The following TTLL5 variants were observed in gnomAD, a reference collection of about 807,000 sequenced individuals.
TTLL5 encodes tubulin tyrosine ligase like 5.
TTLL5 carries 132 observed loss-of-function variants against 168.4 expected under a neutral mutation model. The ratio of observed to expected loss-of-function variants is 0.78; its 90% CI spans 0.68 to 0.91. The LOEUF is 0.91. Among genes scored for constraint, TTLL5 ranks in the 40% least tolerant of loss-of-function variants. The pLI is 0.00. For missense variants in TTLL5, 1,545 were observed against 1,581.5 expected, an observed-to-expected ratio of 0.98 and a Z score of 0.39; for synonymous variants, 546 against 558.6, an observed-to-expected ratio of 0.98 and a Z score of 0.32.
rs199628594 is a variant in TTLL5 at position 75,766,412 on chromosome 14, A to T, written c.2015+44A>T. On this transcript the variant is annotated intron_variant, in intron 20 of 31. Transcript: ENST00000298832. Reference sequence around the variant, plus strand: ...TATATTAGTAAAACTGATAACAGCTAACTTGTACTGTGTACCAGCTACTAT... The same window carrying T: ...TATATTAGTAAAACTGATAACAGCTTACTTGTACTGTGTACCAGCTACTAT... 3.2e-5 allele frequency: 49 copies of T among 1,510,734 alleles called. No individual in the cohort carries two copies. The East Asian group carries it at 1.1e-3, about 34-fold the overall frequency. 93.6% of individuals were successfully genotyped at this position (1,510,734 alleles called of 1,614,324 possible). A position where few individuals can be genotyped will look rare whatever the true frequency, so the allele number is the denominator to read the frequency against.
intron 28 of TTLL5, among the ~76,000 whole-genome samples, chr14:75,821,780 G>A (rs564240005): frequency 6.6e-5 from 10 of 152,228 alleles, no homozygotes; most frequent in African/African-American, 2.2e-4. Context: ...ACGAGGCTGC[G>A]ATAATGCTCA....
intron 28 of TTLL5, among the ~76,000 whole-genome samples, chr14:75,824,729 T>G (rs1054695371): frequency 2.0e-4 from 25 of 125,040 alleles, no homozygotes; most frequent in Non-Finnish European, 3.5e-4. Context: ...AATTATGTGT[T>G]TTTTTTTTTT....
At chr14:75,742,859 T>G (rs1889356990) in intron 15 of TTLL5, among the ~76,000 whole-genome samples, 1 of 152,260 alleles carries the variant, frequency 6.6e-6, no homozygotes, top group South Asian at 2.1e-4. Flanking sequence ...TTCACACTTT[T>G]TAAAGATTTA....
At chr14:75,881,503 G>T (rs2031809875) in intron 29 of TTLL5, among the ~76,000 whole-genome samples, 2 of 152,146 alleles carry the variant, frequency 1.3e-5, no homozygotes, top group South Asian at 4.1e-4. Context: ...AAGGGTTGGT[G>T]AACATTTTAC....
rs924419805 is a variant in TTLL5, at chr14:75,771,741, C to T, written c.2023C>T (p.Gln675Ter). The T allele has an allele frequency of 6.2e-6, 10 of 1,613,474 alleles. No individual in the cohort carries two copies. Among genetic ancestry groups the T allele is most frequent in the Non-Finnish European group, 8.5e-6 (10 of 1,179,770 alleles). The change falls in exon 21 of 32, where the codon CAG becomes TAG. Residue 675 changes from glutamine (Q) to a stop codon, truncating the protein, a stop_gained. Transcript: ENST00000298832. LOFTEE classifies it high-confidence loss of function. ...LQDNGNLSKM[Q>*]ARIAFSAYLQ... ...TGTTTTGGATTTCTATAGCAAAATGCAGGCCCGAATAGCATTCTCTGCCTA... is the reference window on the plus strand; with the variant it reads ...TGTTTTGGATTTCTATAGCAAAATGTAGGCCCGAATAGCATTCTCTGCCTA...
Position 75,766,220 on chromosome 14 carries a change from A to G in TTLL5, c.1867A>G (p.Thr623Ala). 6.2e-7 allele frequency: 1 copy of G among 1,614,074 alleles called. No individual in the cohort carries two copies. The highest frequency in any genetic ancestry group is 8.5e-7 in the Non-Finnish European group (1 of 1,179,978). The change falls in exon 20 of 32, where the codon ACA becomes GCA. Residue 623 changes from threonine (T) to alanine (A), a missense_variant. Coordinates refer to ENST00000298832, the MANE Select transcript of TTLL5 (RefSeq NM_015072.5). The stretch of plus-strand genomic sequence containing the variant: ...TCAAGCCAAATATACACCCTCATTG[A>G]CAGCTTTGGTAGAAAATACACCCAA... ...ENQAKYTPSL[T>A]ALVENTPKEN...
At chr14:75,724,475 C>G (rs1199230663) in intron 12 of TTLL5, among the ~76,000 whole-genome samples, 2 of 152,076 alleles carry the variant, frequency 1.3e-5, no homozygotes, top group Non-Finnish European at 2.9e-5. Context: ...GACTTGAGAA[C>G]CTATACAAAC....
At chr14:75,683,481 C>T in intron 4 of TTLL5, 69 bp from the exon 5 acceptor site, 2 of 1,274,018 alleles carry the variant, frequency 1.6e-6, no homozygotes, top group East Asian at 2.3e-5. Flanking sequence ...CTTTTTCTGC[C>T]ATTGCTTTTC....
intron 6 of TTLL5, among the ~76,000 whole-genome samples, chr14:75,693,154 C>A (rs1296935931): frequency 1.3e-5 from 2 of 152,034 alleles, no homozygotes; most frequent in African/African-American, 2.4e-5. Context: ...AAGTTGATGA[C>A]CCAGATAACA....
chr14:75,719,211 G>A (rs778777675), intron 10 of TTLL5, among the ~76,000 whole-genome samples: 1 of 152,154 alleles, frequency 6.6e-6, no homozygotes, highest in Non-Finnish European at 1.5e-5. Flanking sequence ...ATCAGGAAAA[G>A]CCATATCTAC....
chr14:75,929,951 G>T (rs2034219516), intron 31 of TTLL5, among the ~76,000 whole-genome samples: 1 of 151,970 alleles, frequency 6.6e-6, no homozygotes, highest in Non-Finnish European at 1.5e-5. Context: ...CTCATTATTT[G>T]GAAAAATAAA....
At chr14:75,789,830 T>G (rs1339129959) in intron 26 of TTLL5, among the ~76,000 whole-genome samples, 1 of 152,200 alleles carries the variant, frequency 6.6e-6, no homozygotes, top group African/African-American at 2.4e-5. Context: ...CCAATCAAAA[T>G]CTCAACAAGT....
At chr14:75,805,121 T>C (rs1893575654) in intron 27 of TTLL5, among the ~76,000 whole-genome samples, 1 of 152,194 alleles carries the variant, frequency 6.6e-6, no homozygotes, top group African/African-American at 2.4e-5. Flanking sequence ...TGTCCATCTC[T>C]CTCTCAAAGG....
chr14:75,890,707 A>T (rs924059047), intron 30 of TTLL5, among the ~76,000 whole-genome samples: 5 of 151,966 alleles, frequency 3.3e-5, no homozygotes, highest in Non-Finnish European at 5.9e-5. Context: ...TATTTTTCTG[A>T]AATCTTTTTT....
At chr14:75,855,150 G>GAAAA (rs55874311) in intron 28 of TTLL5, among the ~76,000 whole-genome samples, 2 of 130,494 alleles carry the variant, frequency 1.5e-5, no homozygotes, top group Non-Finnish European at 3.2e-5. Flanking sequence ...TATGCTAGAA[G>GAAAA]AAAAAAAAAA....
Position 75,902,204 on chromosome 14 carries a change from T to C in TTLL5, c.3803T>C (p.Val1268Ala), listed in dbSNP as rs137888249. The C allele has an allele frequency of 1.0e-4, 164 of 1,614,174 alleles. No individual in the cohort carries two copies. In the African/African-American group the frequency reaches 1.8e-3, roughly 18 times the overall value. Reference sequence around the variant, plus strand: ...AGCAGCCTTAACCCTGCAGCCTTTGTGCCCATCACCAGCTCTACAGGTTAG... The same window carrying C: ...AGCAGCCTTAACCCTGCAGCCTTTGCGCCCATCACCAGCTCTACAGGTTAG... ...LQSSLNPAAF[V>A]PITSSTDPAH... Residue 1268 changes from valine to alanine, a missense_variant, in exon 31 of 32, where the codon GTG (valine) becomes GCG (alanine). Val to Ala is a moderately conservative substitution (Grantham distance 64). Coordinates refer to ENST00000298832, the MANE Select transcript of TTLL5 (RefSeq NM_015072.5).
intron 24 of TTLL5, 42 bp downstream of exon 24, chr14:75,779,744 T>G (rs757503458): frequency 1.4e-4 from 225 of 1,566,740 alleles, no homozygotes; most frequent in Non-Finnish European, 1.9e-4. Flanking sequence ...GAAGAACAAG[T>G]GAAGAAATGA....
At chr14:75,882,988 C>T (rs888068964) in intron 30 of TTLL5, 86 bp downstream of exon 30, 6 of 1,374,190 alleles carry the variant, frequency 4.4e-6, no homozygotes, top group Middle Eastern at 1.9e-4. Flanking sequence ...CAAGACCGTT[C>T]GTACTGAAGT....
At chr14:75,857,058 C>G (rs1897166482) in intron 28 of TTLL5, among the ~76,000 whole-genome samples, 1 of 152,146 alleles carries the variant, frequency 6.6e-6, no homozygotes, top group African/African-American at 2.4e-5. Flanking sequence ...CAGTATCTCT[C>G]TAAAGTTTAT....
Sources: allele counts gnomAD v4.1 joint callset (sites outside exome capture counted in the v4.1 genomes callset), GRCh38; gene constraint gnomAD v4.1.1; transcripts MANE v1.5; gene names NCBI Gene and HGNC (gene_info 2026-07-23, HGNC 2026-07-21).